CLIP1: variants seen among roughly 807,000 people sequenced by gnomAD.
CLIP1 encodes CAP-Gly domain containing linker protein 1.
In CLIP1, 66 loss-of-function variants were observed where a neutral mutation model predicts 161.6. The ratio of observed to expected loss-of-function variants is 0.41; its 90% CI spans 0.33 to 0.50. CLIP1 has a LOEUF of 0.50. Ranked by LOEUF, CLIP1 falls within the 20% of genes least tolerant of loss-of-function variation. CLIP1 has a pLI of 0.27. For synonymous variants in CLIP1, 598 were observed against 626.2 expected (o/e 0.96, Z 0.67); for missense variants, 1,376 against 1,702.0 (o/e 0.81, Z 3.37).
chr12:122,394,300 A>C (rs918860954), intron 1 of CLIP1, among the ~76,000 whole-genome samples: 4 of 152,000 alleles, frequency 2.6e-5, no homozygotes, highest in African/African-American at 9.7e-5. Context: ...CAGCCTGGCC[A>C]ACATGGTGAA....
At chr12:122,393,931 G>GAT (rs1160016308) in intron 1 of CLIP1, among the ~76,000 whole-genome samples, 2 of 43,572 alleles carry the variant, frequency 4.6e-5, no homozygotes, top group African/African-American at 1.2e-4. Flanking sequence ...AAAAAAAAAA[G>GAT]ATTCTAGGTT....
chr12:122,363,770 C>T (rs1953994804), intron 4 of CLIP1, among the ~76,000 whole-genome samples: 1 of 151,772 alleles, frequency 6.6e-6, no homozygotes, highest in South Asian at 2.1e-4. Flanking sequence ...TCAGAATCTA[C>T]TCAGACATAC....
chr12:122,324,739 G>T (rs1951642391), intron 17 of CLIP1, among the ~76,000 whole-genome samples: 1 of 152,024 alleles, frequency 6.6e-6, no homozygotes, highest in Admixed American at 6.6e-5. Context: ...AAGCAGAAAG[G>T]ATTCATAGAA....
At chr12:122,310,755 A>G (rs1030808303) in intron 19 of CLIP1, among the ~76,000 whole-genome samples, 3 of 152,236 alleles carry the variant, frequency 2.0e-5, no homozygotes, top group Non-Finnish European at 4.4e-5. Context: ...GTTAAACTCC[A>G]TTTAGCAAGC....
chr12:122,316,412 GT>G (rs1264317977), intron 19 of CLIP1, among the ~76,000 whole-genome samples: 3 of 152,124 alleles, frequency 2.0e-5, no homozygotes, highest in Middle Eastern at 3.4e-3. Flanking sequence ...GTTTTGCTGT[GT>G]TGCCCAGGCT....
intron 9 of CLIP1, among the ~76,000 whole-genome samples, chr12:122,348,334 A>G (rs1050196217): frequency 1.3e-5 from 2 of 152,240 alleles, no homozygotes; most frequent in Non-Finnish European, 2.9e-5. Context: ...TGAGAGGCTC[A>G]AGAGAGGAGG....
At chr12:122,408,168 G>A (rs1254478313) in intron 1 of CLIP1, among the ~76,000 whole-genome samples, 1 of 150,454 alleles carries the variant, frequency 6.6e-6, no homozygotes, top group Non-Finnish European at 1.5e-5. Context: ...CCCGGGAGAC[G>A]GAGGTTACAG....
At chr12:122,331,417 C>T (rs577579241) in intron 15 of CLIP1, among the ~76,000 whole-genome samples, 9 of 150,302 alleles carry the variant, frequency 6.0e-5, no homozygotes, top group East Asian at 2.0e-4. Context: ...TGGGTTCAAG[C>T]GATTCTCCTG....
chr12:122,272,010 A>G lies in CLIP1; in HGVS notation c.*865T>C, dbSNP rs1221757620. ...AATAAAAGGAAAACAAACAAATGAA[A>G]ATGGTTGCAAAGCCACAAGATGCTA... On this transcript the variant is annotated 3_prime_UTR_variant, in exon 26 of 26. Transcript: ENST00000620786. 1 of 152,586 alleles carries G rather than the reference A, an allele frequency of 6.6e-6. No individual in the cohort carries two copies. The highest frequency in any genetic ancestry group is 1.9e-4 in the East Asian group (1 of 5,204). The allele number at this position is 152,586 out of a possible 1,614,324, so 9.5% of individuals were successfully genotyped here.
At chr12:122,278,661 A>G (rs908773836) in intron 23 of CLIP1, 131 bp downstream of exon 23, 14 of 939,710 alleles carry the variant, frequency 1.5e-5, no homozygotes, top group Middle Eastern at 3.5e-4. Context: ...TGATTGATTA[A>G]GTGGTGGAAG....
chr12:122,420,512 AC>A, intron 1 of CLIP1, among the ~76,000 whole-genome samples: 2 of 152,282 alleles, frequency 1.3e-5, no homozygotes, highest in Non-Finnish European at 2.9e-5. Flanking sequence ...CCAGGGTCCC[AC>A]CCGGTTTCAG....
chr12:122,363,912 G>C (rs566261569), intron 4 of CLIP1, 71 bp downstream of exon 4: 1 of 1,599,746 alleles, frequency 6.3e-7, no homozygotes, highest in South Asian at 1.1e-5. Context: ...TATGATACAC[G>C]CTTGGTGAGA....
chr12:122,402,318 T>C (rs764152007), intron 1 of CLIP1, among the ~76,000 whole-genome samples: 1 of 152,138 alleles, frequency 6.6e-6, no homozygotes, highest in Non-Finnish European at 1.5e-5. Flanking sequence ...TGAGACTCCA[T>C]CTCTACAAAA....
chr12:122,347,392 C>G lies in CLIP1; in HGVS notation c.1489G>C (p.Glu497Gln). The G allele has an allele frequency of 6.2e-7, 1 of 1,612,616 alleles. No individual in the cohort carries two copies. The highest frequency in any genetic ancestry group is 8.5e-7 in the Non-Finnish European group (1 of 1,178,626). ...ACCATTACCCTAGTGTCTTCTAACT[C>G]CCTCTGGAGTTTGTCAGCTTTGGTC... ...EKTKADKLQR[E>Q]LEDTRVATVS... The change falls in exon 10 of 26, where the codon GAG becomes CAG. Residue 497 changes from glutamate (E) to glutamine (Q), a missense_variant. Glu to Gln is a conservative substitution (Grantham distance 29). This residue lies in a region of CLIP1 where 948 missense variants were observed against 1,134.8 expected (regional missense o/e 0.84). Coordinates refer to ENST00000620786, the MANE Select transcript of CLIP1 (RefSeq NM_001247997.2).
intron 10 of CLIP1, chr12:122,342,886 TTTA>T (rs2136358970): frequency 6.6e-6 from 1 of 151,456 alleles, no homozygotes; most frequent in Non-Finnish European, 1.5e-5. Context: ...TCTTAATAAT[TTTA>T]TTTTGATTAA....
chr12:122,364,124 T>C lies in CLIP1; in HGVS notation c.658-17A>G. 6 of 1,613,672 alleles carry C rather than the reference T, an allele frequency of 3.7e-6. No homozygotes were observed. The highest frequency in any genetic ancestry group is 5.1e-6 in the Non-Finnish European group (6 of 1,179,860). On this transcript the variant is annotated splice_polypyrimidine_tract_variant and intron_variant, in intron 3 of 25. Coordinates refer to ENST00000620786, the MANE Select transcript of CLIP1 (RefSeq NM_001247997.2). ...GCCACCAACCTGGAAGAAGAGAAGG[T>C]TAAAATAAAGAGATGAACATCACTC...
At chr12:122,411,305 A>G (rs1302045035) in intron 1 of CLIP1, among the ~76,000 whole-genome samples, 6 of 152,122 alleles carry the variant, frequency 3.9e-5, no homozygotes, top group African/African-American at 7.2e-5. Context: ...AATCCCAGCT[A>G]TTGGGGAGGC....
intron 20 of CLIP1, among the ~76,000 whole-genome samples, chr12:122,304,676 A>C (rs918094471): frequency 3.3e-5 from 5 of 152,204 alleles, no homozygotes; most frequent in Non-Finnish European, 7.3e-5. Flanking sequence ...TGCCAATTTA[A>C]AAGTTTATAG....
At chr12:122,414,990 G>A (rs991736163) in intron 1 of CLIP1, among the ~76,000 whole-genome samples, 29 of 151,944 alleles carry the variant, frequency 1.9e-4, no homozygotes, top group African/African-American at 7.0e-4. Flanking sequence ...CCCAGGAGGT[G>A]GAGGCTGCAG....
Sources: gnomAD v4.1 joint callset for allele counts (sites outside exome capture counted in the v4.1 genomes callset) on GRCh38, gnomAD v4.1.1 for gene constraint, gnomAD v4.1.1 regional missense constraint, MANE v1.5 for transcripts, NCBI Gene and HGNC (gene_info 2026-07-23, HGNC 2026-07-21) for gene names.